The following CACNA1E variants were observed in gnomAD, a reference collection of about 807,000 sequenced individuals.
CACNA1E encodes the protein voltage-dependent R-type calcium channel subunit alpha-1E.
In CACNA1E, 40 loss-of-function variants were observed where a neutral mutation model predicts 259.2. That is an observed-to-expected ratio of 0.15 (90% CI 0.12 to 0.20). CACNA1E has a LOEUF of 0.20. Among genes scored for constraint, CACNA1E ranks in the 10% least tolerant of loss-of-function variants. The probability of loss-of-function intolerance (pLI) is 1.00; values close to 1 mark genes in which losing one functional copy is unlikely to be tolerated. For missense variants in CACNA1E, 1,874 were observed against 3,040.1 expected, an observed-to-expected ratio of 0.62 and a Z score of 9.02; for synonymous variants, 1,104 against 1,138.5, an observed-to-expected ratio of 0.97 and a Z score of 0.61.
chr1:181,378,898 C>T (rs746840516), intron 1 of CACNA1E, among the ~76,000 whole-genome samples: 2 of 152,112 alleles, frequency 1.3e-5, no homozygotes, highest in Non-Finnish European at 2.9e-5. Context: ...GAACAAGGCT[C>T]ACAAATATTT....
intron 3 of CACNA1E, among the ~76,000 whole-genome samples, chr1:181,573,241 G>A (rs541181558): frequency 6.6e-6 from 1 of 152,308 alleles, no homozygotes; most frequent in Non-Finnish European, 1.5e-5. Context: ...TGTCACTGCG[G>A]TGTTTCCCAT....
intron 1 of CACNA1E, among the ~76,000 whole-genome samples, chr1:181,389,250 GC>G (rs1656076853): frequency 6.6e-6 from 1 of 152,158 alleles, no homozygotes; most frequent in Admixed American, 6.5e-5. Context: ...GGCCATTTTA[GC>G]AGCACCATCA....
chr1:181,745,426 A>G, intron 25 of CACNA1E: 5 of 460,320 alleles, frequency 1.1e-5, no homozygotes, highest in South Asian at 6.7e-5. Flanking sequence ...AAATGAAATG[A>G]TCCAATCAGG....
At chr1:181,762,040 C>T (rs906303273) in intron 32 of CACNA1E, among the ~76,000 whole-genome samples, 8 of 152,296 alleles carry the variant, frequency 5.3e-5, no homozygotes, top group African/African-American at 1.9e-4. Flanking sequence ...CATCTGTAAC[C>T]TTCAGTCACT....
At chr1:181,366,371 G>T (rs2609473) in intron 1 of CACNA1E, among the ~76,000 whole-genome samples, 86,308 of 152,036 alleles carry the variant, frequency 0.57, 24,964 homozygotes, top group African/African-American at 0.68. Context: ...TGCTTTGCAG[G>T]TTGCACGAGA....
At chr1:181,529,307 G>A (rs753134076) in intron 3 of CACNA1E, among the ~76,000 whole-genome samples, 2 of 152,246 alleles carry the variant, frequency 1.3e-5, no homozygotes, top group Non-Finnish European at 2.9e-5. Context: ...TTCAGAAGTT[G>A]TATGGAAATG....
chr1:181,654,651 A>G (rs577064224), intron 7 of CACNA1E, among the ~76,000 whole-genome samples: 47 of 152,340 alleles, frequency 3.1e-4, no homozygotes, highest in African/African-American at 1.1e-3. Context: ...GTGGCATCCT[A>G]TGTAGCACAG....
intron 25 of CACNA1E, among the ~76,000 whole-genome samples, chr1:181,747,570 G>A (rs1377897765): frequency 6.6e-6 from 1 of 151,856 alleles, no homozygotes; most frequent in Non-Finnish European, 1.5e-5. Flanking sequence ...GCATCCTAGT[G>A]TGTGGAATTG....
intron 8 of CACNA1E, among the ~76,000 whole-genome samples, chr1:181,713,133 G>A (rs1653550503): frequency 6.6e-6 from 1 of 152,172 alleles, no homozygotes; most frequent in African/African-American, 2.4e-5. Context: ...GGGGTGAGGA[G>A]GAAGGGGGAT....
At chr1:181,594,128 A>C (rs1652932401) in intron 6 of CACNA1E, among the ~76,000 whole-genome samples, 1 of 152,024 alleles carries the variant, frequency 6.6e-6, no homozygotes, top group Non-Finnish European at 1.5e-5. Flanking sequence ...TGAAGGCTAA[A>C]AATCTATGCT....
chr1:181,741,298 C>T lies in CACNA1E; in HGVS notation c.3719+2045C>T, dbSNP rs527732054. 2.0e-4 allele frequency among the ~76,000 whole-genome samples: 31 copies of T among 152,166 alleles called. 1 individual carries two copies. Among genetic ancestry groups the T allele is most frequent in the Admixed American group, 6.5e-5 (1 of 15,286 alleles). On this transcript the variant is annotated intron_variant, in intron 25 of 47. Transcript: ENST00000367573. Reference sequence around the variant, plus strand: ...GCCCCTCTACTTTCCAGCTTTGTGTCCTTGAGCCACACAGCAAAATATTAA... The same window carrying T: ...GCCCCTCTACTTTCCAGCTTTGTGTTCTTGAGCCACACAGCAAAATATTAA...
At chr1:181,446,885 C>A (rs1410274968) in intron 2 of CACNA1E, among the ~76,000 whole-genome samples, 1 of 151,922 alleles carries the variant, frequency 6.6e-6, no homozygotes, top group Non-Finnish European at 1.5e-5. Flanking sequence ...TGGTTTGTTT[C>A]CTATCTTTAA....
At chr1:181,355,456 C>T (rs1653352919) in intron 1 of CACNA1E, among the ~76,000 whole-genome samples, 2 of 152,082 alleles carry the variant, frequency 1.3e-5, no homozygotes, top group Non-Finnish European at 2.9e-5. Context: ...TGCATGATGG[C>T]ACGTGCCTGT....
chr1:181,402,613 T>G (rs1657181688), intron 1 of CACNA1E, among the ~76,000 whole-genome samples: 1 of 152,194 alleles, frequency 6.6e-6, no homozygotes, highest in Non-Finnish European at 1.5e-5. Context: ...AAAGTGCTGC[T>G]GACAACAGCT....
chr1:181,524,561 G>T (rs531351076), intron 3 of CACNA1E, among the ~76,000 whole-genome samples: 6 of 152,326 alleles, frequency 3.9e-5, no homozygotes, highest in African/African-American at 1.4e-4. Flanking sequence ...AGGCCAGTGT[G>T]TCCTGAACAG....
At chr1:181,590,233 A>C (rs1282293159) in intron 6 of CACNA1E, among the ~76,000 whole-genome samples, 1 of 151,654 alleles carries the variant, frequency 6.6e-6, no homozygotes, top group Non-Finnish European at 1.5e-5. Context: ...TTCTCCTTTA[A>C]GGTGCCAGGT....
chr1:181,772,754 AT>A (rs577372492), intron 37 of CACNA1E, among the ~76,000 whole-genome samples: 178 of 152,276 alleles, frequency 1.2e-3, no homozygotes, highest in Admixed American at 2.3e-3. Flanking sequence ...TTGACTTGTA[AT>A]GTTATTACAT....
intron 2 of CACNA1E, among the ~76,000 whole-genome samples, chr1:181,473,256 G>A (rs1275503097): frequency 1.3e-5 from 2 of 152,160 alleles, no homozygotes; most frequent in Non-Finnish European, 2.9e-5. Context: ...ACTGAGGCTG[G>A]CCTACCAGGG....
chr1:181,673,390 C>T (rs192679874), intron 7 of CACNA1E, among the ~76,000 whole-genome samples: 345 of 152,298 alleles, frequency 2.3e-3, no homozygotes, highest in Non-Finnish European at 4.3e-3. Context: ...CTGTCACATA[C>T]CTGTGTGAGT....
Sources: allele counts gnomAD v4.1 joint callset (sites outside exome capture counted in the v4.1 genomes callset), GRCh38; gene constraint gnomAD v4.1.1; transcripts MANE v1.5; gene names NCBI Gene and HGNC (gene_info 2026-07-23, HGNC 2026-07-21).